Variants in SEMA7A observed in about 807,000 individuals in gnomAD.
SEMA7A encodes semaphorin-7A.
In SEMA7A, 21 loss-of-function variants were observed where a neutral mutation model predicts 67.5. The observed-to-expected ratio is 0.31, with a 90% CI of 0.22 to 0.45. The LOEUF is 0.45. Among genes scored for constraint, SEMA7A ranks in the 20% least tolerant of loss-of-function variants. The probability of loss-of-function intolerance (pLI) is 1.00; values close to 1 mark genes in which losing one functional copy is unlikely to be tolerated. For missense variants in SEMA7A, 774 were observed against 908.6 expected (o/e 0.85, Z 1.90); for synonymous variants, 364 against 368.5 (o/e 0.99, Z 0.14).
chr15:74,416,651 T>C lies in SEMA7A; in HGVS notation c.725A>G (p.Tyr242Cys), dbSNP rs1315489808. 1.2e-6 allele frequency: 2 copies of C among 1,613,864 alleles called. No individual in the cohort carries two copies. The highest frequency in any genetic ancestry group is 1.7e-6 in the Non-Finnish European group (2 of 1,179,940). The part of the protein sequence containing the change: ...QDQAYDDKIY[Y>C]FFREDNPDKN... ...GTCAGGATTGTCCTCTCGGAAGAAG[T>C]AGTAGATCTTGTCATCGTAAGCCTG... Residue 242 changes from tyrosine to cysteine, a missense_variant, in exon 7 of 14, where the codon TAC becomes TGC. Physicochemically the swap from Tyr to Cys is radical, Grantham distance 194 (BLOSUM62 -2). Transcript: ENST00000261918.
chr15:74,433,865 G>A lies in SEMA7A; in HGVS notation c.54C>T (p.Val18=). The change falls in exon 1 of 14, where the codon GTC becomes GTT. Residue 18 remains valine (V), a synonymous_variant. Coordinates refer to ENST00000261918, the MANE Select transcript of SEMA7A (RefSeq NM_003612.5). ...RAAPSAPRAR[V]PGPPARLGLP... is the part of the protein sequence containing the mutation. The stretch of plus-strand genomic sequence containing the variant: ...GCCCCAACCGAGCCGGCGGGCCAGG[G>A]ACGCGGGCGCGCGGTGCGCTGGGGG... 1.6e-6 allele frequency: 2 copies of A among 1,284,310 alleles called. No individual in the cohort carries two copies. Among genetic ancestry groups the A allele is most frequent in the Non-Finnish European group, 2.0e-6 (2 of 1,022,024 alleles). The allele number at this position is 1,284,310 out of a possible 1,614,324, so 79.6% of individuals were successfully genotyped here. A position where few individuals can be genotyped will look rare whatever the true frequency, so the allele number is the denominator to read the frequency against.
chr15:74,418,775 G>A (rs1206605348), intron 2 of SEMA7A, 26 bp downstream of exon 2: 8 of 1,609,620 alleles, frequency 5.0e-6, no homozygotes, highest in African/African-American at 1.3e-5. Flanking sequence ...GGGTAGGGGG[G>A]GTGTTGGGGG....
At chr15:74,429,857 G>A (rs938661918) in intron 1 of SEMA7A, among the ~76,000 whole-genome samples, 8 of 151,982 alleles carry the variant, frequency 5.3e-5, no homozygotes, top group African/African-American at 1.9e-4. Flanking sequence ...CCTACTAAGT[G>A]GGGTGCTTCC....
chr15:74,431,366 C>G (rs1010016975), intron 1 of SEMA7A, among the ~76,000 whole-genome samples: 1 of 152,252 alleles, frequency 6.6e-6, no homozygotes, highest in African/African-American at 2.4e-5. Flanking sequence ...GCAGAGGCAG[C>G]AATCTCCCTG....
chr15:74,427,367 T>C (rs2061052046), intron 1 of SEMA7A: 1 of 985,314 alleles, frequency 1.0e-6, no homozygotes, highest in South Asian at 4.7e-5. Context: ...TTAGAACAGA[T>C]TCCTGGGCCA....
Position 74,433,808 on chromosome 15 carries a change from GAGC to G in SEMA7A, c.108_110del (p.Leu37del), listed in dbSNP as rs751344102. On this transcript the variant is annotated inframe_deletion, in exon 1 of 14. Coordinates refer to ENST00000261918, the MANE Select transcript of SEMA7A (RefSeq NM_003612.5). ...CCTGGGCGGAGGCGGCGGCCGCCCA[GAGC>G]AGCAGCAGCAGCCGCAGCCGCAGCG... The G allele has an allele frequency of 4.3e-5, 60 of 1,402,072 alleles. No individual in the cohort carries two copies. The highest frequency in any genetic ancestry group is 2.4e-4 in the Middle Eastern group (1 of 4,158). The allele number at this position is 1,402,072 out of a possible 1,614,324, so 86.9% of individuals were successfully genotyped here.
In SEMA7A at chr15:74,433,761, C is replaced by T; in HGVS notation, c.158G>A (p.Arg53His). Residue 53 changes from arginine to histidine, a missense_variant, in exon 1 of 14, where the codon CGC (arginine) becomes CAC (histidine). Arg to His is a conservative substitution (Grantham distance 29). This residue lies in a region of SEMA7A where 347 missense variants were observed against 353.2 expected (regional missense o/e 0.98). Coordinates refer to ENST00000261918, the MANE Select transcript of SEMA7A (RefSeq NM_003612.5). ...CCTACCTTTCCAGACGGCGAAGATGCGGGGTCCGCTCCTTAGGTGGCCCTG... is the reference window on the plus strand; with the variant it reads ...CCTACCTTTCCAGACGGCGAAGATGTGGGGTCCGCTCCTTAGGTGGCCCTG... ...SAQGHLRSGPRIFAVWKGHVG... is the reference protein window; with the variant it reads ...SAQGHLRSGPHIFAVWKGHVG... The T allele has an allele frequency of 1.4e-6, 2 of 1,445,208 alleles. No homozygotes were observed. Among genetic ancestry groups the T allele is most frequent in the South Asian group, 1.4e-5 (1 of 73,808 alleles). 89.5% of individuals were successfully genotyped at this position (1,445,208 alleles called of 1,614,324 possible).
intron 10 of SEMA7A, 103 bp from the exon 11 acceptor site, chr15:74,412,115 G>A: frequency 4.2e-6 from 6 of 1,429,574 alleles, no homozygotes; most frequent in South Asian, 2.5e-5. Context: ...CTCAGGCAAG[G>A]GTCACAGGAC....
At chr15:74,416,489 C>T (rs2060949515) in intron 7 of SEMA7A, 86 bp downstream of exon 7, 5 of 1,433,994 alleles carry the variant, frequency 3.5e-6, no homozygotes, top group Non-Finnish European at 4.8e-6. Context: ...ACAACTTCTA[C>T]ATGCACACGG....
At chr15:74,428,037 T>A (rs1357340414) in intron 1 of SEMA7A, among the ~76,000 whole-genome samples, 1 of 152,180 alleles carries the variant, frequency 6.6e-6, no homozygotes, top group Non-Finnish European at 1.5e-5. Flanking sequence ...AGGATCAGCA[T>A]AATCCCAGGC....
intron 7 of SEMA7A, 46 bp downstream of exon 7, chr15:74,416,529 A>G: frequency 6.2e-7 from 1 of 1,602,074 alleles, no homozygotes; most frequent in Non-Finnish European, 8.5e-7. Context: ...ACTCAGGCCT[A>G]TTCATGCACA....
In SEMA7A at chr15:74,414,874, G is replaced by A. The variant is rs56079201; in HGVS notation, c.1059C>T (p.Gly353=). Residue 353 remains glycine, a synonymous_variant, in exon 9 of 14, where the codon GGC becomes GGT. Transcript: ENST00000261918. This position sits in a 1 kb window ranked among gnomAD's most constrained non-coding sequence, Gnocchi z 4.1. ...GCGGGTTGGGAAGGCTTGAGTGGTAGCCCTTGAGTGAGGAGGTACGGAAGA... is the reference window on the plus strand; with the variant it reads ...GCGGGTTGGGAAGGCTTGAGTGGTAACCCTTGAGTGAGGAGGTACGGAAGA... ...DKVFRTSSLK[G]YHSSLPNPRP... 6,389 of 1,614,192 alleles carry A rather than the reference G, an allele frequency of 4.0e-3. 19 individuals carry two copies. Among genetic ancestry groups the A allele is most frequent in the Non-Finnish European group, 4.4e-3 (5,238 of 1,180,022 alleles).
At chr15:74,432,853 G>C (rs1344098284) in intron 1 of SEMA7A, among the ~76,000 whole-genome samples, 4 of 152,028 alleles carry the variant, frequency 2.6e-5, no homozygotes, top group African/African-American at 9.7e-5. Context: ...AGTTCCTCGC[G>C]GCAGAAAGCC....
rs1443490723 is a variant in SEMA7A, at chr15:74,423,268, GAA to G, written c.179-4318_179-4317del. Among the ~76,000 whole-genome samples, 1 of 152,184 alleles carries G rather than the reference GAA, an allele frequency of 6.6e-6. No homozygotes were observed. The highest frequency in any genetic ancestry group is 1.5e-5 in the Non-Finnish European group (1 of 68,032). ...ACACCCTCGCCCAACTACGTGTCTG[GAA>G]AAGAGAGTAGAGGGAAGGCCCACGT... is the stretch of plus-strand genomic sequence containing the variant. On this transcript the variant is annotated intron_variant, in intron 1 of 13. Coordinates refer to ENST00000261918, the MANE Select transcript of SEMA7A (RefSeq NM_003612.5). The surrounding 1 kb of genome is among the most constrained non-coding windows in gnomAD (Gnocchi z 4.1).
chr15:74,421,388 CAA>C (rs1388026875), intron 1 of SEMA7A, among the ~76,000 whole-genome samples: 2 of 152,194 alleles, frequency 1.3e-5, no homozygotes, highest in Non-Finnish European at 2.9e-5. Context: ...AGGGCCCGGA[CAA>C]TCCCATGCGG....
chr15:74,419,371 C>T (rs2060980104), intron 1 of SEMA7A, among the ~76,000 whole-genome samples: 1 of 152,156 alleles, frequency 6.6e-6, no homozygotes, highest in Non-Finnish European at 1.5e-5. Context: ...TAAGCCAAAG[C>T]AAGCAGCGCC....
In SEMA7A at chr15:74,414,872, T is replaced by A. The variant is rs892253010; in HGVS notation, c.1061A>T (p.Tyr354Phe). The change falls in exon 9 of 14, where the codon TAC becomes TTC. Residue 354 changes from tyrosine (Y) to phenylalanine (F), a missense_variant. Physicochemically the swap from Tyr to Phe is conservative, Grantham distance 22 (BLOSUM62 3). Around this residue, in one of 2 missense-constraint regions of SEMA7A, gnomAD observed 427 missense variants for 555.4 expected, o/e 0.77. Transcript: ENST00000261918. This position sits in a 1 kb window ranked among gnomAD's most constrained non-coding sequence, Gnocchi z 4.1. ...CCGCGGGTTGGGAAGGCTTGAGTGG[T>A]AGCCCTTGAGTGAGGAGGTACGGAA... ...KVFRTSSLKGYHSSLPNPRPG... is the reference protein window; with the variant it reads ...KVFRTSSLKGFHSSLPNPRPG... 1 of 1,614,158 alleles carries A rather than the reference T, an allele frequency of 6.2e-7. No homozygotes were observed. Among genetic ancestry groups the A allele is most frequent in the Non-Finnish European group, 8.5e-7 (1 of 1,180,030 alleles).
intron 1 of SEMA7A, among the ~76,000 whole-genome samples, chr15:74,428,022 A>G (rs1274692718): frequency 6.6e-6 from 1 of 152,234 alleles, no homozygotes; most frequent in Non-Finnish European, 1.5e-5. Flanking sequence ...TGCAGAAGGC[A>G]TGGCAGGATC....
At chr15:74,415,112 G>A (rs2060936905) in intron 8 of SEMA7A, among the ~76,000 whole-genome samples, 166 bp from the exon 9 acceptor site, 1 of 152,176 alleles carries the variant, frequency 6.6e-6, no homozygotes, top group Non-Finnish European at 1.5e-5. Context: ...TCTTTGTGCT[G>A]CAATTTAAAA....
Sources: allele counts gnomAD v4.1 joint callset (sites outside exome capture counted in the v4.1 genomes callset), GRCh38; gene constraint gnomAD v4.1.1; regional missense constraint gnomAD v4.1.1; non-coding constraint Gnocchi (gnomAD v3.1); transcripts MANE v1.5; gene names NCBI Gene and HGNC (gene_info 2026-07-23, HGNC 2026-07-21).